Variants in ACSL5 observed in about 807,000 individuals in gnomAD.
The protein encoded by ACSL5 is acyl-CoA synthetase long chain family member 5, also known as long-chain-fatty-acid--CoA ligase 5.
Under a neutral mutation model 84.9 loss-of-function variants are expected in ACSL5, and 50 were observed. The ratio of observed to expected loss-of-function variants is 0.59; its 90% CI spans 0.47 to 0.75. ACSL5 has a LOEUF of 0.75. ACSL5 is among the 30% of genes least tolerant of loss of function. The pLI is 0.00. For missense variants in ACSL5, 775 were observed against 830.4 expected (o/e 0.93, Z 0.82); for synonymous variants, 280 against 300.7 (o/e 0.93, Z 0.71).
Position 112,391,689 on chromosome 10 carries a change from T to A in ACSL5, c.-29-3229T>A, listed in dbSNP as rs368492404. Among the ~76,000 whole-genome samples, 174 of 152,314 alleles carry A rather than the reference T, an allele frequency of 1.1e-3. 1 individual carries two copies. Among genetic ancestry groups the A allele is most frequent in the African/African-American group, 4.1e-3 (171 of 41,574 alleles). ...AAACATTAACAGACCGTGATCCAAA[T>A]TAAACTATGAAATGTGTTCTTGTTT... On this transcript the variant is annotated intron_variant, in intron 1 of 20. Coordinates refer to ENST00000354655, the MANE Select transcript of ACSL5 (RefSeq NM_203379.2).
intron 1 of ACSL5, among the ~76,000 whole-genome samples, chr10:112,391,511 A>G (rs1333674715): frequency 6.6e-6 from 1 of 152,196 alleles, no homozygotes; most frequent in Non-Finnish European, 1.5e-5. Context: ...TGTCTTCCTC[A>G]AATAAAATCC....
chr10:112,425,284 C>G (rs899659917), intron 17 of ACSL5, 54 bp from the exon 18 acceptor site: 2 of 1,504,486 alleles, frequency 1.3e-6, no homozygotes, highest in African/African-American at 2.8e-5. Flanking sequence ...ACTCTCCCCA[C>G]TGATATCATC....
intron 1 of ACSL5, among the ~76,000 whole-genome samples, chr10:112,390,080 T>C (rs777753849): frequency 7.4e-6 from 1 of 134,432 alleles, no homozygotes; most frequent in Non-Finnish European, 1.6e-5. Flanking sequence ...AAATTGTTAA[T>C]TGTAAAAAAA....
chr10:112,376,530 C>A (rs936096557), intron 1 of ACSL5: 6 of 1,576,500 alleles, frequency 3.8e-6, no homozygotes, highest in Middle Eastern at 1.7e-4. Context: ...ATCCTGACCC[C>A]CGACTTTCTT....
At chr10:112,376,300 T>C in intron 1 of ACSL5, 2 of 1,614,096 alleles carry the variant, frequency 1.2e-6, no homozygotes, top group Non-Finnish European at 1.7e-6. Context: ...TGGGCCGGCC[T>C]TCTGCCTGCA....
intron 1 of ACSL5, among the ~76,000 whole-genome samples, chr10:112,383,270 A>C (rs376617426): frequency 8.5e-5 from 13 of 152,256 alleles, no homozygotes; most frequent in East Asian, 3.8e-4. Context: ...GCGCCACTGC[A>C]TTCCAGCCTG....
chr10:112,388,791 T>C (rs1849502629), intron 1 of ACSL5, among the ~76,000 whole-genome samples: 1 of 152,084 alleles, frequency 6.6e-6, no homozygotes, highest in African/African-American at 2.4e-5. Flanking sequence ...AATAAGGTGA[T>C]CAGAAACAGT....
chr10:112,410,769 A>G, intron 9 of ACSL5, 134 bp downstream of exon 9: 1 of 848,324 alleles, frequency 1.2e-6, no homozygotes, highest in South Asian at 1.7e-5. Context: ...TAAGGCTTCT[A>G]AGTGTGAATT....
chr10:112,377,566 C>A (rs1849265473), intron 1 of ACSL5, among the ~76,000 whole-genome samples: 1 of 148,960 alleles, frequency 6.7e-6, no homozygotes, highest in South Asian at 2.1e-4. Flanking sequence ...AATAAAAAAA[C>A]ATTGAAAACT....
intron 1 of ACSL5, chr10:112,376,226 C>T: frequency 8.4e-6 from 13 of 1,548,332 alleles, no homozygotes; most frequent in South Asian, 5.9e-5. Flanking sequence ...TCCCCGAGCA[C>T]GTTAGAAAGC....
chr10:112,389,588 T>C (rs894309511), intron 1 of ACSL5, among the ~76,000 whole-genome samples: 2 of 152,138 alleles, frequency 1.3e-5, no homozygotes, highest in African/African-American at 4.8e-5. Context: ...CCAGGAGTGA[T>C]GTTAAAAGGA....
chr10:112,413,581 C>G (rs1396548196), intron 12 of ACSL5, among the ~76,000 whole-genome samples: 2 of 152,062 alleles, frequency 1.3e-5, no homozygotes, highest in African/African-American at 4.8e-5. Flanking sequence ...CAAAAATTAG[C>G]TGGACTGGTG....
chr10:112,427,293 C>G lies in ACSL5; in HGVS notation c.1987C>G (p.Arg663Gly), dbSNP rs768238173. Residue 663 changes from arginine to glycine, a missense_variant, in exon 21 of 21, where the codon CGA becomes GGA. By Grantham distance (125) the Arg-to-Gly change is moderately radical. Coordinates refer to ENST00000354655, the MANE Select transcript of ACSL5 (RefSeq NM_203379.2). ...GLLTPTLKAK[R>G]GELSKYFRTQ... ...CTTGACACCAACATTGAAAGCAAAG[C>G]GAGGAGAGCTTTCCAAATACTTTCG... 1.2e-6 allele frequency: 2 copies of G among 1,613,734 alleles called. No homozygotes were observed. Among genetic ancestry groups the G allele is most frequent in the Non-Finnish European group, 1.7e-6 (2 of 1,179,824 alleles).
At chr10:112,417,534 T>C (rs1479372148) in intron 13 of ACSL5, among the ~76,000 whole-genome samples, 3 of 151,976 alleles carry the variant, frequency 2.0e-5, no homozygotes, top group African/African-American at 7.3e-5. Context: ...ATTTAGGTTC[T>C]AGCACTCTCT....
chr10:112,424,120 A>T (rs1844581680), intron 17 of ACSL5, among the ~76,000 whole-genome samples: 1 of 152,250 alleles, frequency 6.6e-6, no homozygotes, highest in Admixed American at 6.5e-5. Context: ...AAGTGTTTGC[A>T]GAGGCTAGTG....
chr10:112,420,714 T>G (rs1844436169), intron 14 of ACSL5, among the ~76,000 whole-genome samples: 1 of 152,076 alleles, frequency 6.6e-6, no homozygotes, highest in East Asian at 1.9e-4. Context: ...TTCTTTTCTT[T>G]TTTTTCTTTT....
chr10:112,425,205 A>C (rs1273904271), intron 17 of ACSL5, 133 bp from the exon 18 acceptor site: 2 of 760,522 alleles, frequency 2.6e-6, no homozygotes, highest in Non-Finnish European at 4.1e-6. Flanking sequence ...CAAGAAAGAG[A>C]AATGAAAGAC....
rs1302398940 is a variant in ACSL5 at position 112,413,294 on chromosome 10, G to C, written c.1070G>C (p.Arg357Thr). ...CCCGCGGTGCCTCGACTCCTTAACA[G>C]GATCTACGATAAGGTACTAACTTTC... The part of the protein sequence containing the change: ...LFPAVPRLLN[R>T]IYDKVQNEAK... Residue 357 changes from arginine to threonine, a missense_variant, in exon 12 of 21, where the codon AGG (arginine) becomes ACG (threonine). Physicochemically the swap from Arg to Thr is moderately conservative, Grantham distance 71. Coordinates refer to ENST00000354655, the MANE Select transcript of ACSL5 (RefSeq NM_203379.2). 1.2e-6 allele frequency: 2 copies of C among 1,614,164 alleles called. No individual in the cohort carries two copies. Among genetic ancestry groups the C allele is most frequent in the South Asian group, 1.1e-5 (1 of 91,082 alleles).
intron 5 of ACSL5, among the ~76,000 whole-genome samples, 194 bp from the exon 6 acceptor site, chr10:112,408,228 G>A (rs745661821): frequency 4.6e-5 from 7 of 151,544 alleles, no homozygotes; most frequent in Non-Finnish European, 1.0e-4. Flanking sequence ...GATCCTGGAA[G>A]GTTGAGGCTG....
Sources: allele counts gnomAD v4.1 joint callset (sites outside exome capture counted in the v4.1 genomes callset), GRCh38; gene constraint gnomAD v4.1.1; transcripts MANE v1.5; gene names NCBI Gene and HGNC (gene_info 2026-07-23, HGNC 2026-07-21).